The following ARAP2 variants were observed in gnomAD, a reference collection of about 807,000 sequenced individuals.
ARAP2 encodes ArfGAP with RhoGAP domain, ankyrin repeat and PH domain 2.
In ARAP2, 148 loss-of-function variants were observed where a neutral mutation model predicts 194.5. The observed-to-expected ratio is 0.76, with a 90% CI of 0.67 to 0.87. The LOEUF is 0.87. ARAP2 is among the 40% of genes least tolerant of loss of function. The pLI, the probability that ARAP2 is intolerant of heterozygous loss-of-function variation, is 0.00. For synonymous variants in ARAP2, 695 were observed against 683.5 expected (o/e 1.02, Z -0.26); for missense variants, 2,128 against 1,989.7 (o/e 1.07, Z -1.32).
intron 1 of ARAP2, among the ~76,000 whole-genome samples, chr4:36,234,473 G>A (rs867132402): frequency 9.9e-5 from 15 of 152,106 alleles, no homozygotes; most frequent in East Asian, 5.8e-4. Flanking sequence ...AATCGGGAGC[G>A]GGGGGTGGGG....
At chr4:36,117,170 A>C (rs1205470258) in intron 24 of ARAP2, 35 bp from the exon 25 acceptor site, 1 of 1,447,630 alleles carries the variant, frequency 6.9e-7, no homozygotes, top group African/African-American at 1.5e-5. Flanking sequence ...AACACAGATA[A>C]ACATATTGTA....
At chr4:36,012,114 A>C (rs1356704839) in intron 9 of ARAP2, among the ~76,000 whole-genome samples, 1 of 152,218 alleles carries the variant, frequency 6.6e-6, no homozygotes, top group Non-Finnish European at 1.5e-5. Context: ...TAGAATGTGT[A>C]AATTAAAATG....
intron 32 of ARAP2, among the ~76,000 whole-genome samples, 158 bp from the exon 33 acceptor site, chr4:36,068,436 T>C (rs768562834): frequency 1.3e-5 from 2 of 152,240 alleles, no homozygotes; most frequent in Admixed American, 6.5e-5. Flanking sequence ...TGTCTGAATT[T>C]ATATACTAAT....
rs760022662 is a variant in ARAP2 at position 36,128,639 on chromosome 4, T to C, written c.3534A>G (p.Gly1178=). The C allele has an allele frequency of 8.7e-6, 14 of 1,612,962 alleles. No individual in the cohort carries two copies. The highest frequency in any genetic ancestry group is 1.7e-5 in the Admixed American group (1 of 59,806). The part of the protein sequence containing the change: ...KDARSFKLRA[G]KHQLEDVTAV... ...CCGTCACATCTTCAAGCTGATGTTTTCCAGCCCTCAATTTAAAGCTTCTTG... is the reference window on the plus strand; with the variant it reads ...CCGTCACATCTTCAAGCTGATGTTTCCCAGCCCTCAATTTAAAGCTTCTTG... The change falls in exon 21 of 33, where the codon GGA becomes GGG. Residue 1178 remains glycine (G), a synonymous_variant. Transcript: ENST00000303965.
At chr4:36,073,462 A>G (rs1727507954) in intron 32 of ARAP2, among the ~76,000 whole-genome samples, 1 of 152,168 alleles carries the variant, frequency 6.6e-6, no homozygotes, top group African/African-American at 2.4e-5. Flanking sequence ...TAGAGGTAAG[A>G]AAATAAGTAG....
chr4:36,092,391 TC>T (rs1317956192), intron 27 of ARAP2, among the ~76,000 whole-genome samples: 1 of 151,186 alleles, frequency 6.6e-6, no homozygotes, highest in Non-Finnish European at 1.5e-5. Context: ...GGGCGGATTA[TC>T]TGAGGTCAGG....
At chr4:36,045,541 T>C (rs181862518) in intron 5 of ARAP2, among the ~76,000 whole-genome samples, 147 of 152,162 alleles carry the variant, frequency 9.7e-4, no homozygotes, top group Non-Finnish European at 1.5e-3. Flanking sequence ...GCTGGGGGGT[T>C]GGAAAGAATG....
chr4:36,018,267 G>A (rs148368004), intron 6 of ARAP2, among the ~76,000 whole-genome samples: 177 of 152,166 alleles, frequency 1.2e-3, no homozygotes, highest in South Asian at 5.2e-3. Context: ...AATGGTCTAC[G>A]CTGAATTGGG....
At chr4:36,168,703 A>G (rs1277131643) in intron 9 of ARAP2, among the ~76,000 whole-genome samples, 4 of 152,184 alleles carry the variant, frequency 2.6e-5, no homozygotes, top group South Asian at 2.1e-4. Context: ...TTTTCTGATG[A>G]AAGAACTAAT....
At chr4:36,159,613 T>C (rs1031874397) in intron 13 of ARAP2, 108 bp from the exon 14 acceptor site, 2 of 998,424 alleles carry the variant, frequency 2.0e-6, no homozygotes, top group Admixed American at 3.7e-5. Flanking sequence ...TCTGTATTCC[T>C]TTTATCCTAA....
intron 9 of ARAP2, among the ~76,000 whole-genome samples, chr4:36,009,473 T>C (rs1713980378): frequency 6.6e-6 from 1 of 151,922 alleles, no homozygotes; most frequent in Non-Finnish European, 1.5e-5. Context: ...GTATACATGG[T>C]CTGGTCATAA....
rs1730000917 is a variant in ARAP2, at chr4:36,147,786, A to G, written c.3001-40T>C. The G allele has an allele frequency of 2.0e-6, 3 of 1,497,346 alleles. No homozygotes were observed. In the African/African-American group the frequency reaches 4.2e-5, roughly 21 times the overall value. The allele number at this position is 1,497,346 out of a possible 1,614,324, so 92.8% of individuals were successfully genotyped here. On this transcript the variant is annotated intron_variant, in intron 17 of 32. Transcript: ENST00000303965. Reference sequence around the variant, plus strand: ...ACAAAAAAGTAATAAAGACAGTGAAAATAGGAAATCCCTTCCCTATCTACT... The same window carrying G: ...ACAAAAAAGTAATAAAGACAGTGAAGATAGGAAATCCCTTCCCTATCTACT...
At chr4:36,104,806 G>T (rs1408009258) in intron 27 of ARAP2, among the ~76,000 whole-genome samples, 1 of 151,858 alleles carries the variant, frequency 6.6e-6, no homozygotes, top group African/African-American at 2.4e-5. Flanking sequence ...TATTTTATAG[G>T]TTCTCTTATT....
chr4:36,148,410 C>T lies in ARAP2; in HGVS notation c.2995G>A (p.Ala999Thr). ...QAQRKWTEAI[A>T]KHFVPLFAEN... ...GTAACATAATATTTAAATACCTTGG[C>T]TATTGCCTCTGTCCATTTTCTTTGA... Residue 999 changes from alanine (A) to threonine (T), a missense_variant, in exon 17 of 33, where the codon GCC (alanine) becomes ACC (threonine). By Grantham distance (58) the Ala-to-Thr change is moderately conservative. Transcript: ENST00000303965. 1.2e-6 allele frequency: 2 copies of T among 1,611,148 alleles called. No homozygotes were observed. Among genetic ancestry groups the T allele is most frequent in the Non-Finnish European group, 1.7e-6 (2 of 1,177,878 alleles).
intron 9 of ARAP2, among the ~76,000 whole-genome samples, chr4:36,168,399 C>T (rs954934931): frequency 2.0e-5 from 3 of 152,106 alleles, no homozygotes; most frequent in Admixed American, 2.0e-4. Context: ...ATAGGGAGAA[C>T]CCTGTTCTCT....
At chr4:36,064,198 T>G (rs1002145589), downstream of ARAP2, among the ~76,000 whole-genome samples, 1 of 87,514 alleles carries the variant, frequency 1.1e-5, no homozygotes, top group African/African-American at 4.5e-5. Flanking sequence ...TTTTTTGTTT[T>G]TTTCTTTCTT....
chr4:36,242,614 T>C (rs1338498185), intron 1 of ARAP2, among the ~76,000 whole-genome samples: 1 of 152,194 alleles, frequency 6.6e-6, no homozygotes, highest in Non-Finnish European at 1.5e-5. Context: ...CTCCACAGTA[T>C]CCAAGAATAG....
intron 15 of ARAP2, among the ~76,000 whole-genome samples, chr4:36,156,845 G>T (rs1399530547): frequency 1.3e-5 from 2 of 152,076 alleles, no homozygotes; most frequent in African/African-American, 4.8e-5. Context: ...TACCTAAAAT[G>T]CAATGTTTTA....
intron 8 of ARAP2, among the ~76,000 whole-genome samples, chr4:36,014,309 GGAAA>G (rs200419492): frequency 0.1 from 8,704 of 84,550 alleles, 676 homozygotes; most frequent in Admixed American, 0.21. Context: ...AGAGAAGGAA[GGAAA>G]GAAAGAAAGA....
Sources: allele counts gnomAD v4.1 joint callset (sites outside exome capture counted in the v4.1 genomes callset), GRCh38; gene constraint gnomAD v4.1.1; transcripts MANE v1.5; gene names NCBI Gene and HGNC (gene_info 2026-07-23, HGNC 2026-07-21).